Variants in MMUT observed in about 807,000 individuals in gnomAD.
The protein encoded by MMUT is methylmalonyl-CoA mutase, mitochondrial.
Under a neutral mutation model 79.9 loss-of-function variants are expected in MMUT, and 79 were observed. That is an observed-to-expected ratio of 0.99 (90% CI 0.82 to 1.19). The LOEUF (loss-of-function observed/expected upper bound fraction) is 1.19, where lower values mean the gene tolerates loss of function less well. MMUT is among the 50% of genes most tolerant of loss of function. The probability of loss-of-function intolerance (pLI) is 0.00; values close to 1 mark genes in which losing one functional copy is unlikely to be tolerated. For missense variants in MMUT, 860 were observed against 917.2 expected, an observed-to-expected ratio of 0.94 and a Z score of 0.81; for synonymous variants, 273 against 295.7, an observed-to-expected ratio of 0.92 and a Z score of 0.79.
At chr6:49,448,076 A>G (rs771827804) in intron 7 of MMUT, among the ~76,000 whole-genome samples, 1 of 151,980 alleles carries the variant, frequency 6.6e-6, no homozygotes, top group Non-Finnish European at 1.5e-5. Flanking sequence ...TAACAATCAG[A>G]GCAGCTGCCA....
At chr6:49,438,539 C>G (rs1429080531) in intron 11 of MMUT, among the ~76,000 whole-genome samples, 1 of 152,082 alleles carries the variant, frequency 6.6e-6, no homozygotes, top group East Asian at 1.9e-4. Context: ...AGTTTTAGTT[C>G]TGAACTGACA....
intron 8 of MMUT, among the ~76,000 whole-genome samples, chr6:49,445,658 C>T (rs1402742741): frequency 1.3e-5 from 2 of 151,890 alleles, no homozygotes; most frequent in African/African-American, 2.4e-5. Context: ...AATGTAAATA[C>T]TATATAAATA....
rs751828125 is a variant in MMUT at position 49,440,345 on chromosome 6, T to C, written c.1817A>G (p.Lys606Arg). The change falls in exon 11 of 13, where the codon AAA becomes AGA. Residue 606 changes from lysine (K) to arginine (R), a missense_variant. Coordinates refer to ENST00000274813, the MANE Select transcript of MMUT (RefSeq NM_000255.4). Reference protein sequence around the residue: ...EITSAIKRVHKFMEREGRRPR... With the variant: ...EITSAIKRVHRFMEREGRRPR... ...TCTGCGACCTTCACGTTCCATGAAT[T>C]TATGAACCCTGAAAAACATTTAAAA... is the stretch of plus-strand genomic sequence containing the variant. 1.2e-6 allele frequency: 2 copies of C among 1,613,928 alleles called. No homozygotes were observed. Among genetic ancestry groups the C allele is most frequent in the Non-Finnish European group, 8.5e-7 (1 of 1,179,914 alleles).
chr6:49,431,865 A>T lies in MMUT; in HGVS notation c.2125-9T>A. 1 of 1,612,898 alleles carries T rather than the reference A, an allele frequency of 6.2e-7. No individual in the cohort carries two copies. Among genetic ancestry groups the T allele is most frequent in the Non-Finnish European group, 8.5e-7 (1 of 1,178,964 alleles). On this transcript the variant is annotated splice_polypyrimidine_tract_variant and intron_variant, in intron 12 of 12. Coordinates refer to ENST00000274813, the MANE Select transcript of MMUT (RefSeq NM_000255.4). ...AACAGAAATTCATAATCCTGTTGAAAGAATGTGTTTAATTAATAAGAGCCA... is the reference window on the plus strand; with the variant it reads ...AACAGAAATTCATAATCCTGTTGAATGAATGTGTTTAATTAATAAGAGCCA...
In MMUT at chr6:49,441,598, A is replaced by G. The variant is rs558163065; in HGVS notation, c.1808+242T>C. Among the ~76,000 whole-genome samples the G allele has an allele frequency of 6.0e-5, 9 of 149,478 alleles. No individual in the cohort carries two copies. The South Asian group carries it at 1.7e-3, about 28-fold the overall frequency. ...ATCATGTACCTATTAAAATGATAGTATAGATATATAATATGTATCATGTAT... is the reference window on the plus strand; with the variant it reads ...ATCATGTACCTATTAAAATGATAGTGTAGATATATAATATGTATCATGTAT... On this transcript the variant is annotated intron_variant, in intron 10 of 12. Transcript: ENST00000274813.
chr6:49,431,883 A>G (rs150580087), intron 12 of MMUT, 27 bp from the exon 13 acceptor site: 3 of 1,608,020 alleles, frequency 1.9e-6, no homozygotes, highest in Non-Finnish European at 2.6e-6. Context: ...TTTAATTAAT[A>G]AGAGCCACTA....
intron 1 of MMUT, among the ~76,000 whole-genome samples, chr6:49,461,597 A>C (rs1246707811): frequency 6.6e-6 from 1 of 151,832 alleles, no homozygotes; most frequent in Non-Finnish European, 1.5e-5. Flanking sequence ...GGTGAAACCC[A>C]GTCTCTACTA....
In MMUT at chr6:49,435,602, G is replaced by C. The variant is rs1391461048; in HGVS notation, c.1978C>G (p.Gln660Glu). 1 of 1,613,756 alleles carries C rather than the reference G, an allele frequency of 6.2e-7. No individual in the cohort carries two copies. The highest frequency in any genetic ancestry group is 1.3e-5 in the African/African-American group (1 of 74,902). Residue 660 changes from glutamine (Q) to glutamate (E), a missense_variant, in exon 12 of 13, where the codon CAG (glutamine) becomes GAG (glutamate). By Grantham distance (29) the Gln-to-Glu change is conservative (BLOSUM62 2). Coordinates refer to ENST00000274813, the MANE Select transcript of MMUT (RefSeq NM_000255.4). ...GCATGCACATCCGCATCCACAGCCT[G>C]CTGGGCCACTTCACGAGGAGTCTAA... ...LFQTPREVAQ[Q>E]AVDADVHAVG...
chr6:49,444,556 C>A, intron 9 of MMUT, 83 bp downstream of exon 9: 1 of 1,099,610 alleles, frequency 9.1e-7, no homozygotes. Context: ...TTTACAGGAT[C>A]AACCTTTTAT....
In MMUT at chr6:49,463,085, G is replaced by A. The variant is rs1454490036; in HGVS notation, c.-40+18C>T. ...GCCAGAAGAATGGAGCGATCTGAAA[G>A]GTGTACGTCCTACTCACTGGTAGGC... On this transcript the variant is annotated intron_variant, in intron 1 of 12. Coordinates refer to ENST00000274813, the MANE Select transcript of MMUT (RefSeq NM_000255.4). 6.6e-6 allele frequency: 1 copy of A among 152,486 alleles called. No homozygotes were observed. Among genetic ancestry groups the A allele is most frequent in the Non-Finnish European group, 1.5e-5 (1 of 68,228 alleles). The allele number at this position is 152,486 out of a possible 1,614,324, so 9.4% of individuals were successfully genotyped here. A position where few individuals can be genotyped will look rare whatever the true frequency, so the allele number is the denominator to read the frequency against.
rs759351751 is a variant in MMUT, at chr6:49,459,233, A to C, written c.234T>G (p.Thr78=). 1.9e-6 allele frequency: 3 copies of C among 1,614,054 alleles called. No homozygotes were observed. Among genetic ancestry groups the C allele is most frequent in the Non-Finnish European group, 2.5e-6 (3 of 1,180,040 alleles). The change falls in exon 2 of 13, where the codon ACT becomes ACG. Residue 78 remains threonine, a synonymous_variant. Transcript: ENST00000274813. ...CTGGAAGTTCTTCAGGTAAGTCCAT[A>C]GTATCTCTCTTGGAATACAAGGGTT... ...SIKPLYSKRD[T]MDLPEELPGV... is the part of the protein sequence containing the mutation.
In MMUT at chr6:49,437,153, A is replaced by AT. The variant is rs1433014949; in HGVS notation, c.1957-1531dup. Among the ~76,000 whole-genome samples the AT allele has an allele frequency of 4.9e-4, 75 of 152,320 alleles. 1 individual carries two copies. The highest frequency in any genetic ancestry group is 1.2e-4 in the Non-Finnish European group (8 of 68,026). On this transcript the variant is annotated intron_variant, in intron 11 of 12. Coordinates refer to ENST00000274813, the MANE Select transcript of MMUT (RefSeq NM_000255.4). Reference sequence around the variant, plus strand: ...GGTCTTCCTAATGTAATGCCTACAGATATCAGAAACTTTTAAATTTAATAT... The same window carrying AT: ...GGTCTTCCTAATGTAATGCCTACAGATTATCAGAAACTTTTAAATTTAATAT...
chr6:49,453,820 C>T, intron 4 of MMUT, 64 bp from the exon 5 acceptor site: 2 of 1,341,432 alleles, frequency 1.5e-6, no homozygotes, highest in Non-Finnish European at 2.1e-6. Flanking sequence ...GAAAATAAAA[C>T]TAATTGTATC....
chr6:49,462,369 C>G (rs7750918), intron 1 of MMUT, among the ~76,000 whole-genome samples: 47,581 of 152,018 alleles, frequency 0.31, 7,843 homozygotes, highest in South Asian at 0.37. Context: ...CAAGAAGGTA[C>G]TTTGATGTTC....
At chr6:49,452,249 G>A (rs1264024203) in intron 5 of MMUT, among the ~76,000 whole-genome samples, 1 of 152,050 alleles carries the variant, frequency 6.6e-6, no homozygotes, top group African/African-American at 2.4e-5. Flanking sequence ...AAATAAGCAG[G>A]TTAAAATAAA....
chr6:49,434,975 C>A (rs1439022066), intron 12 of MMUT, among the ~76,000 whole-genome samples: 1 of 152,146 alleles, frequency 6.6e-6, no homozygotes, highest in Non-Finnish European at 1.5e-5. Context: ...TGGGACCATC[C>A]TGGAGGAAAA....
At chr6:49,455,564 G>T (rs188513838) in intron 4 of MMUT, among the ~76,000 whole-genome samples, 27 of 152,190 alleles carry the variant, frequency 1.8e-4, no homozygotes, top group Non-Finnish European at 3.1e-4. Context: ...AGTGATTGCT[G>T]TACTGATTGA....
chr6:49,454,656 T>C lies in MMUT; in HGVS notation c.912-900A>G, dbSNP rs1338514099. Among the ~76,000 whole-genome samples, 4 of 152,220 alleles carry C rather than the reference T, an allele frequency of 2.6e-5. No individual in the cohort carries two copies. The East Asian group carries it at 7.7e-4, about 29-fold the overall frequency. The stretch of plus-strand genomic sequence containing the variant: ...AGTTTTCAAATATTTTGATCTCAGG[T>C]TCCCTTTCTACTCTTAAAACTTACT... On this transcript the variant is annotated intron_variant, in intron 4 of 12. Coordinates refer to ENST00000274813, the MANE Select transcript of MMUT (RefSeq NM_000255.4).
At chr6:49,436,543 TGTA>T (rs1767133803) in intron 11 of MMUT, among the ~76,000 whole-genome samples, 1 of 150,920 alleles carries the variant, frequency 6.6e-6, no homozygotes, top group South Asian at 2.1e-4. Context: ...AGGTGGAGGT[TGTA>T]GTGAGCCAAG....
Sources: gnomAD v4.1 joint callset for allele counts (sites outside exome capture counted in the v4.1 genomes callset) on GRCh38, gnomAD v4.1.1 for gene constraint, MANE v1.5 for transcripts, NCBI Gene and HGNC (gene_info 2026-07-23, HGNC 2026-07-21) for gene names.